The following CSMD3 variants were observed in gnomAD, a reference collection of about 807,000 sequenced individuals.
CSMD3 encodes the protein CUB and Sushi multiple domains 3.
A neutral mutation model predicts 435.2 loss-of-function variants in CSMD3; 177 were observed. The ratio of observed to expected loss-of-function variants is 0.41; its 90% confidence interval spans 0.36 to 0.46. The LOEUF (loss-of-function observed/expected upper bound fraction) is 0.46, where lower values mean the gene tolerates loss of function less well. Among genes scored for constraint, CSMD3 ranks in the 20% least tolerant of loss-of-function variants. The pLI is 0.34. For synonymous variants in CSMD3, 1,656 were observed against 1,520.5 expected, an observed-to-expected ratio of 1.09 and a Z score of -2.07; for missense variants, 4,265 against 4,504.6, an observed-to-expected ratio of 0.95 and a Z score of 1.52.
chr8:113,047,754 C>T (rs76088276), intron 5 of CSMD3, among the ~76,000 whole-genome samples: 333 of 152,182 alleles, frequency 2.2e-3, no homozygotes, highest in African/African-American at 7.7e-3. Context: ...CAGACAGTTG[C>T]AGAATAATGG....
intron 32 of CSMD3, among the ~76,000 whole-genome samples, chr8:112,451,076 T>A (rs1436221068): frequency 6.6e-6 from 1 of 152,102 alleles, no homozygotes; most frequent in Non-Finnish European, 1.5e-5. Flanking sequence ...CTATTAAAAA[T>A]CATGATGATG....
chr8:112,572,451 C>T (rs1829609622), intron 24 of CSMD3, among the ~76,000 whole-genome samples: 1 of 151,926 alleles, frequency 6.6e-6, no homozygotes, highest in South Asian at 2.1e-4. Flanking sequence ...ATTTCTTATA[C>T]CATTAAGATA....
At chr8:113,334,297 A>ATTTTTTTTTTTTTTTTT (rs2094052880) in intron 1 of CSMD3, among the ~76,000 whole-genome samples, 1 of 126,278 alleles carries the variant, frequency 7.9e-6, no homozygotes, top group Non-Finnish European at 1.6e-5. Flanking sequence ...TTTTTTTTTC[A>ATTTTTTTTTTTTTTTTT]TTTCCAGCCT....
At position 112,366,295 on chromosome 8, in the gene CSMD3, CAG is replaced by C. The variant is rs1483960353; in HGVS notation, c.6137-13763_6137-13762del. Among the ~76,000 whole-genome samples the C allele has an allele frequency of 2.0e-5, 3 of 152,142 alleles. No individual in the cohort carries two copies. The East Asian group carries it at 5.8e-4, about 29-fold the overall frequency. On this transcript the variant is annotated intron_variant, in intron 38 of 70. Coordinates refer to ENST00000297405, the MANE Select transcript of CSMD3 (RefSeq NM_198123.2). ...CAAAGCTTTTGCAGGAAAGCTTCAC[CAG>C]AGAGTCCTTTCTACTGCAACAATGC...
chr8:112,863,694 A>T (rs927494546), intron 10 of CSMD3, among the ~76,000 whole-genome samples: 3 of 152,088 alleles, frequency 2.0e-5, no homozygotes, highest in South Asian at 4.1e-4. Context: ...AATTTTATTG[A>T]GTTCAAACAT....
chr8:113,055,396 A>C (rs192234914), intron 5 of CSMD3, among the ~76,000 whole-genome samples: 1 of 152,188 alleles, frequency 6.6e-6, no homozygotes, highest in African/African-American at 2.4e-5. Flanking sequence ...TTTTTCACAA[A>C]ATTTGATAAC....
At chr8:113,201,738 A>T in intron 3 of CSMD3, among the ~76,000 whole-genome samples, 1 of 152,054 alleles carries the variant, frequency 6.6e-6, no homozygotes, top group East Asian at 1.9e-4. Flanking sequence ...TTTTAAAAAA[A>T]CCTTTAGAGC....
At chr8:112,910,845 A>T (rs958293378) in intron 10 of CSMD3, among the ~76,000 whole-genome samples, 1 of 151,906 alleles carries the variant, frequency 6.6e-6, no homozygotes, top group African/African-American at 2.4e-5. Flanking sequence ...CACTAATTCC[A>T]GTGAAAACGA....
Position 113,243,469 on chromosome 8 carries a change from A to G in CSMD3, c.514+35123T>C, listed in dbSNP as rs567856551. On this transcript the variant is annotated intron_variant, in intron 3 of 70. Transcript: ENST00000297405. ...CTTTTTGATTGCTAAATAATACTGC[A>G]TTATATAAATATGTCAATTTATTTT... 6.6e-5 allele frequency among the ~76,000 whole-genome samples: 10 copies of G among 152,156 alleles called. No homozygotes were observed. The East Asian group carries it at 9.7e-4, about 15-fold the overall frequency.
At chr8:112,230,237 G>A (rs1812964053) in intron 69 of CSMD3, among the ~76,000 whole-genome samples, 1 of 152,152 alleles carries the variant, frequency 6.6e-6, no homozygotes, top group East Asian at 1.9e-4. Flanking sequence ...AAAATATTCA[G>A]CACTAAATTA....
At chr8:112,887,296 C>A (rs2081631925) in intron 10 of CSMD3, among the ~76,000 whole-genome samples, 1 of 144,536 alleles carries the variant, frequency 6.9e-6, no homozygotes, top group Non-Finnish European at 1.5e-5. Context: ...AGCTACAAAA[C>A]AAAGTCCAAG....
At position 112,241,750 on chromosome 8, in the gene CSMD3, C is replaced by G. The variant is rs2130064819; in HGVS notation, c.10438G>C (p.Ala3480Pro). ...SKILVKDPRPALGTPSPKLSV... is the reference protein window; with the variant it reads ...SKILVKDPRPPLGTPSPKLSV... ...AGCTTTGGGCTGGGTGTTCCCAGTGCAGGTCTAGGATCTTTCACCAATATT... is the reference window on the plus strand; with the variant it reads ...AGCTTTGGGCTGGGTGTTCCCAGTGGAGGTCTAGGATCTTTCACCAATATT... Residue 3480 changes from alanine (A) to proline (P), a missense_variant, in exon 66 of 71, where the codon GCA becomes CCA. Ala to Pro is a conservative substitution (Grantham distance 27, BLOSUM62 -1). Around this residue, in one of 3 missense-constraint regions of CSMD3, gnomAD observed 3,255 missense variants for 3,380.2 expected, o/e 0.96. Transcript: ENST00000297405. The G allele has an allele frequency of 3.1e-6, 5 of 1,612,680 alleles. No homozygotes were observed. The highest frequency in any genetic ancestry group is 4.2e-6 in the Non-Finnish European group (5 of 1,178,994).
intron 1 of CSMD3, among the ~76,000 whole-genome samples, chr8:113,352,440 T>C (rs1189279751): frequency 6.6e-6 from 1 of 152,044 alleles, no homozygotes; most frequent in Non-Finnish European, 1.5e-5. Context: ...CTTGCTAACA[T>C]CTTGACTTCA....
intron 11 of CSMD3, among the ~76,000 whole-genome samples, chr8:112,851,672 G>C (rs1485267399): frequency 6.6e-6 from 1 of 151,916 alleles, no homozygotes; most frequent in Non-Finnish European, 1.5e-5. Context: ...GCAGAGACAG[G>C]AGAATTGCTT....
intron 22 of CSMD3, among the ~76,000 whole-genome samples, chr8:112,630,498 T>C (rs2131554257): frequency 6.6e-6 from 1 of 152,200 alleles, no homozygotes; most frequent in Admixed American, 6.6e-5. Context: ...TGAAGTGAAA[T>C]ATTTACACAG....
At chr8:113,204,108 T>C (rs1453079956) in intron 3 of CSMD3, among the ~76,000 whole-genome samples, 3 of 152,116 alleles carry the variant, frequency 2.0e-5, no homozygotes, top group Non-Finnish European at 4.4e-5. Flanking sequence ...CATGAAGAGG[T>C]AGGTATCTTA....
intron 5 of CSMD3, among the ~76,000 whole-genome samples, chr8:113,036,719 C>G (rs1382073715): frequency 3.3e-5 from 5 of 151,964 alleles, no homozygotes; most frequent in Non-Finnish European, 7.4e-5. Flanking sequence ...TTTATTTAAA[C>G]AAATATTACT....
rs138574458 is a variant in CSMD3 at position 112,244,467 on chromosome 8, G to T, written c.10329C>A (p.Phe3443Leu). 6.1e-5 allele frequency: 99 copies of T among 1,613,908 alleles called. No individual in the cohort carries two copies. In the African/African-American group the frequency reaches 1.2e-3, roughly 19 times the overall value. Residue 3443 changes from phenylalanine to leucine, a missense_variant, in exon 65 of 71, where the codon TTC becomes TTA. Physicochemically the swap from Phe to Leu is conservative, Grantham distance 22. Coordinates refer to ENST00000297405, the MANE Select transcript of CSMD3 (RefSeq NM_198123.2). ...CTCTATGTTCTGTTCCACCTGCTAA[G>T]AAGAAGCCAGGCTGACAGGTATAAA... ...TLIYTCQPGF[F>L]LAGGTEHRVC...
chr8:112,954,795 G>C, intron 7 of CSMD3, 34 bp from the exon 8 acceptor site: 1 of 1,199,150 alleles, frequency 8.3e-7, no homozygotes, highest in South Asian at 1.2e-5. Flanking sequence ...CATGTATCAG[G>C]AAATACAATT....
Sources: gnomAD v4.1 joint callset for allele counts (sites outside exome capture counted in the v4.1 genomes callset) on GRCh38, gnomAD v4.1.1 for gene constraint, gnomAD v4.1.1 regional missense constraint, MANE v1.5 for transcripts, NCBI Gene and HGNC (gene_info 2026-07-23, HGNC 2026-07-21) for gene names.